The following LMO7 variants were observed in gnomAD, a reference collection of about 807,000 sequenced individuals.
LMO7 encodes LIM domain 7, also known as LIM domain only protein 7.
A neutral mutation model predicts 206.5 loss-of-function variants in LMO7; 120 were observed. The ratio of observed to expected loss-of-function variants is 0.58; its 90% confidence interval spans 0.50 to 0.68. LMO7 has a LOEUF of 0.68. LMO7 is among the 30% of genes least tolerant of loss of function. The probability of loss-of-function intolerance (pLI) is 0.00; values close to 1 mark genes in which losing one functional copy is unlikely to be tolerated. For missense variants in LMO7, 1,959 were observed against 1,957.9 expected (o/e 1.00, Z -0.01); for synonymous variants, 706 against 681.5 (o/e 1.04, Z -0.56).
Position 75,841,492 on chromosome 13 carries a change from A to G in LMO7, c.3676-136A>G, listed in dbSNP as rs564196204. ...ATGTGTAGCTTCTTTAGTGGTAAAA[A>G]CTCTTAACATGTTTTTTGAGTGGAG... is the stretch of plus-strand genomic sequence containing the variant. On this transcript the variant is annotated intron_variant, in intron 23 of 30. Transcript: ENST00000377534. 1.8e-5 allele frequency: 12 copies of G among 658,768 alleles called. No individual in the cohort carries two copies. In the South Asian group the frequency reaches 2.3e-4, roughly 13 times the overall value. 40.8% of individuals were successfully genotyped at this position (658,768 alleles called of 1,614,324 possible).
chr13:75,696,358 A>AAACAAAC (rs1566319707), intron 1 of LMO7, among the ~76,000 whole-genome samples: 4 of 137,918 alleles, frequency 2.9e-5, no homozygotes, highest in African/African-American at 5.8e-5. Flanking sequence ...CCATCTCAAA[A>AAACAAAC]AAACAAACAA....
At chr13:75,806,288 G>A in intron 9 of LMO7, 1 of 979,976 alleles carries the variant, frequency 1.0e-6, no homozygotes, top group Non-Finnish European at 1.2e-6. Context: ...GAGCCTGCCT[G>A]CTGCGGGTCT....
chr13:75,625,014 T>C (rs1165904719), intron 2 of LMO7, among the ~76,000 whole-genome samples: 1 of 152,216 alleles, frequency 6.6e-6, no homozygotes, highest in Non-Finnish European at 1.5e-5. Context: ...ATGCTGCCTG[T>C]GTTGAGGTTT....
At chr13:75,829,059 G>C (rs1431847369) in intron 15 of LMO7, among the ~76,000 whole-genome samples, 1 of 152,144 alleles carries the variant, frequency 6.6e-6, no homozygotes, top group Non-Finnish European at 1.5e-5. Context: ...GGAAGATAAT[G>C]AATTCAGTTT....
intron 2 of LMO7, among the ~76,000 whole-genome samples, chr13:75,721,678 T>C (rs1315326077): frequency 6.6e-6 from 1 of 152,214 alleles, no homozygotes; most frequent in Non-Finnish European, 1.5e-5. Context: ...TTCCATGGTA[T>C]ATGCATATAT....
intron 1 of LMO7, among the ~76,000 whole-genome samples, chr13:75,641,637 T>C (rs1420282998): frequency 6.6e-6 from 1 of 152,122 alleles, no homozygotes; most frequent in East Asian, 1.9e-4. Context: ...ATTTGTTTCT[T>C]TTTTCCTCTC....
intron 27 of LMO7, among the ~76,000 whole-genome samples, chr13:75,849,569 G>T (rs2060316343): frequency 6.7e-6 from 1 of 149,924 alleles, no homozygotes; most frequent in African/African-American, 2.4e-5. Flanking sequence ...ATGGTTAATA[G>T]ATTGCAAATC....
At chr13:75,844,863 T>C (rs959687840) in intron 25 of LMO7, among the ~76,000 whole-genome samples, 1 of 152,222 alleles carries the variant, frequency 6.6e-6, no homozygotes, top group African/African-American at 2.4e-5. Flanking sequence ...AACACTAAGA[T>C]GGCATTTGGT....
At chr13:75,711,086 T>C (rs2043072847) in intron 1 of LMO7, among the ~76,000 whole-genome samples, 1 of 152,254 alleles carries the variant, frequency 6.6e-6, no homozygotes, top group Non-Finnish European at 1.5e-5. Context: ...GTTCTGTTTA[T>C]ATGCTGTATT....
At position 75,767,091 on chromosome 13, in the gene LMO7, C is replaced by T. The variant is rs557528823; in HGVS notation, c.317+6053C>T. On this transcript the variant is annotated intron_variant, in intron 4 of 30. Coordinates refer to ENST00000377534, the MANE Select transcript of LMO7 (RefSeq NM_001306080.2). ...TGCAGTTTAAGAGGAGCGTGTGTTT[C>T]ATTTCTGTATGTAATAAACTAAAAT... 3.3e-5 allele frequency among the ~76,000 whole-genome samples: 5 copies of T among 152,230 alleles called. No homozygotes were observed. The South Asian group carries it at 1.0e-3, about 32-fold the overall frequency.
At chr13:75,720,522 T>C (rs1304869793) in intron 2 of LMO7, among the ~76,000 whole-genome samples, 3 of 152,176 alleles carry the variant, frequency 2.0e-5, no homozygotes, top group African/African-American at 7.2e-5. Flanking sequence ...GGGTGTAAGG[T>C]CTGTGTCTAA....
At chr13:75,660,798 C>A (rs982789568) in intron 1 of LMO7, among the ~76,000 whole-genome samples, 8 of 151,996 alleles carry the variant, frequency 5.3e-5, no homozygotes, top group African/African-American at 1.9e-4. Context: ...TTTTAGAAAC[C>A]CGGTCCCTTG....
At chr13:75,722,008 A>G (rs530164645) in intron 2 of LMO7, among the ~76,000 whole-genome samples, 3 of 152,334 alleles carry the variant, frequency 2.0e-5, no homozygotes, top group South Asian at 2.1e-4. Flanking sequence ...AGCCACATGT[A>G]GAAGAATGAA....
chr13:75,778,940 G>T (rs1328506300), intron 4 of LMO7, among the ~76,000 whole-genome samples: 2 of 152,128 alleles, frequency 1.3e-5, no homozygotes, highest in African/African-American at 4.8e-5. Context: ...GAGGAGAAGG[G>T]TATAAGGCAA....
intron 14 of LMO7, among the ~76,000 whole-genome samples, chr13:75,822,449 T>C (rs1296980669): frequency 2.0e-5 from 3 of 152,076 alleles, no homozygotes; most frequent in Non-Finnish European, 2.9e-5. Context: ...AAAAATATTA[T>C]CAAAATGCAT....
In LMO7 at chr13:75,753,226, A is replaced by C. The variant is rs1291214852; in HGVS notation, c.211-7706A>C. Among the ~76,000 whole-genome samples the C allele has an allele frequency of 2.6e-5, 4 of 152,158 alleles. No individual in the cohort carries two copies. The South Asian group carries it at 8.3e-4, about 32-fold the overall frequency. On this transcript the variant is annotated intron_variant, in intron 3 of 30. Transcript: ENST00000377534. ...TTTGTTGGCCATTTGTCTTCCATTG[A>C]AAAAGGTTTATTCATATCCTTGGCC...
At chr13:75,677,877 G>A (rs1211639708) in intron 1 of LMO7, among the ~76,000 whole-genome samples, 1 of 144,646 alleles carries the variant, frequency 6.9e-6, no homozygotes, top group Non-Finnish European at 1.5e-5. Flanking sequence ...CCACCTATGA[G>A]TGAGAACATG....
chr13:75,735,630 T>A (rs2045747660), intron 3 of LMO7, among the ~76,000 whole-genome samples: 1 of 146,724 alleles, frequency 6.8e-6, no homozygotes, highest in Admixed American at 6.8e-5. Context: ...CGCAGCTAAT[T>A]TTTTTTTTTT....
chr13:75,691,936 A>G (rs1030733747), intron 1 of LMO7, among the ~76,000 whole-genome samples: 5 of 151,998 alleles, frequency 3.3e-5, no homozygotes, highest in Non-Finnish European at 5.9e-5. Flanking sequence ...TCCCAATTCC[A>G]TGACCTCCAT....
Sources: gnomAD v4.1 joint callset for allele counts (sites outside exome capture counted in the v4.1 genomes callset) on GRCh38, gnomAD v4.1.1 for gene constraint, MANE v1.5 for transcripts, NCBI Gene and HGNC (gene_info 2026-07-23, HGNC 2026-07-21) for gene names.